The following MARCHF4 variants were observed in gnomAD, a reference collection of about 807,000 sequenced individuals.
MARCHF4 encodes the protein membrane associated ring-CH-type finger 4.
A neutral mutation model predicts 43.9 loss-of-function variants in MARCHF4; 14 were observed. The observed-to-expected ratio is 0.32, with a 90% CI of 0.21 to 0.50. The LOEUF is 0.50. MARCHF4 is among the 20% of genes least tolerant of loss of function. The pLI, the probability that MARCHF4 is intolerant of heterozygous loss-of-function variation, is 0.98. For missense variants in MARCHF4, 468 were observed against 536.7 expected (o/e 0.87, Z 1.27); for synonymous variants, 226 against 213.3 (o/e 1.06, Z -0.52).
chr2:216,347,571 T>C (rs556697906), intron 1 of MARCHF4, among the ~76,000 whole-genome samples: 1 of 151,918 alleles, frequency 6.6e-6, no homozygotes, highest in South Asian at 2.1e-4. Flanking sequence ...CTACTAAAAA[T>C]ACAAAAATTA....
chr2:216,347,179 T>G (rs1304971437), intron 1 of MARCHF4, among the ~76,000 whole-genome samples: 2 of 152,180 alleles, frequency 1.3e-5, no homozygotes, highest in African/African-American at 4.8e-5. Context: ...TATTTCTTGA[T>G]AGCAGTGTAA....
chr2:216,290,805 T>C (rs187533012), intron 1 of MARCHF4, among the ~76,000 whole-genome samples: 1 of 152,262 alleles, frequency 6.6e-6, no homozygotes, highest in African/African-American at 2.4e-5. Context: ...ATGATGCTAA[T>C]TTTTACCTGC....
chr2:216,331,253 T>C (rs982726883), intron 1 of MARCHF4, among the ~76,000 whole-genome samples: 20 of 151,870 alleles, frequency 1.3e-4, no homozygotes, highest in African/African-American at 1.9e-4. Flanking sequence ...TTTTAGAAAA[T>C]TTAGGTAAAT....
At chr2:216,354,983 C>CTTTCTTTCTTTCTTTCT (rs1559106750) in intron 1 of MARCHF4, among the ~76,000 whole-genome samples, 1 of 96,860 alleles carries the variant, frequency 1.0e-5, no homozygotes, top group East Asian at 2.6e-4. Context: ...TTCTTTCTTT[C>CTTTCTTTCTTTCTTTCT]TTTTTTGAGA....
chr2:216,333,143 G>A (rs1040794862), intron 1 of MARCHF4, among the ~76,000 whole-genome samples: 1 of 151,206 alleles, frequency 6.6e-6, no homozygotes, highest in African/African-American at 2.4e-5. Context: ...TTATATAAAG[G>A]GAAAAATTGA....
intron 1 of MARCHF4, among the ~76,000 whole-genome samples, chr2:216,368,812 TG>T (rs370859342): frequency 6.6e-5 from 10 of 152,346 alleles, no homozygotes; most frequent in African/African-American, 2.4e-4. Context: ...TGGAGAGTGT[TG>T]CCACATTCTA....
intron 1 of MARCHF4, among the ~76,000 whole-genome samples, chr2:216,306,424 T>A (rs960718454): frequency 8.5e-5 from 13 of 152,246 alleles, no homozygotes; most frequent in African/African-American, 3.1e-4. Context: ...ATGAAGACTT[T>A]ATTGTGTGTC....
intron 1 of MARCHF4, among the ~76,000 whole-genome samples, chr2:216,320,621 TTCTTTCTTTC>T (rs1691866823): frequency 1.2e-5 from 1 of 82,548 alleles, no homozygotes; most frequent in Non-Finnish European, 2.4e-5. Context: ...CTTTCTTTCT[TTCTTTCTTTC>T]TTTCTTTCTT....
chr2:216,334,461 T>C (rs917969450), intron 1 of MARCHF4, among the ~76,000 whole-genome samples: 1 of 152,078 alleles, frequency 6.6e-6, no homozygotes, highest in Non-Finnish European at 1.5e-5. Context: ...AGTGCAGTGA[T>C]ATAATCACAG....
intron 1 of MARCHF4, among the ~76,000 whole-genome samples, chr2:216,320,607 T>TTTTCTTTCTTTCTTTC (rs552086212): frequency 5.5e-4 from 62 of 112,178 alleles, no homozygotes; most frequent in East Asian, 2.2e-3. Flanking sequence ...TATAGCCTCT[T>TTTTCTTTCTTTCTTTC]TTTCTTTCTT....
chr2:216,339,118 A>G (rs1692200478), intron 1 of MARCHF4, among the ~76,000 whole-genome samples: 1 of 152,238 alleles, frequency 6.6e-6, no homozygotes, highest in Admixed American at 6.5e-5. Context: ...GCCTTGGACC[A>G]GTCTTTGACC....
In MARCHF4 at chr2:216,372,431, G is replaced by A. The variant is rs956612691; in HGVS notation, c.-2171C>T. Among the ~76,000 whole-genome samples, 1 of 152,168 alleles carries A rather than the reference G, an allele frequency of 6.6e-6. No homozygotes were observed. Among genetic ancestry groups the A allele is most frequent in the Non-Finnish European group, 1.5e-5 (1 of 68,024 alleles). On this transcript the variant is annotated 5_prime_UTR_variant, in exon 1 of 4. Transcript: ENST00000273067. ...GCGGAGGGATGGAGGAGGGAAAGGG[G>A]ATGAGAGGAAAAGAAGCTGGAGGGA...
intron 1 of MARCHF4, among the ~76,000 whole-genome samples, chr2:216,320,825 C>T (rs1201478857): frequency 1.4e-5 from 2 of 147,910 alleles, no homozygotes; most frequent in African/African-American, 2.5e-5. Flanking sequence ...CATGCACTAC[C>T]ATGCCTGGCT....
intron 1 of MARCHF4, among the ~76,000 whole-genome samples, chr2:216,306,920 T>C (rs10498047): frequency 0.19 from 29,202 of 151,988 alleles, 4,259 homozygotes; most frequent in African/African-American, 0.41. Flanking sequence ...TGGCTGTACA[T>C]GCATCTCATA....
chr2:216,304,147 C>T (rs1691542474), intron 1 of MARCHF4, among the ~76,000 whole-genome samples: 1 of 152,104 alleles, frequency 6.6e-6, no homozygotes, highest in Non-Finnish European at 1.5e-5. Flanking sequence ...TATTGCTCAC[C>T]CCAAATCATG....
chr2:216,292,993 T>C (rs573910208), intron 1 of MARCHF4, among the ~76,000 whole-genome samples: 16 of 152,294 alleles, frequency 1.1e-4, no homozygotes, highest in African/African-American at 2.9e-4. Context: ...CCCTAGAGAA[T>C]GATTAAGTGA....
At chr2:216,322,276 G>C (rs929864583) in intron 1 of MARCHF4, among the ~76,000 whole-genome samples, 1 of 152,156 alleles carries the variant, frequency 6.6e-6, no homozygotes, top group Non-Finnish European at 1.5e-5. Context: ...TAGGAGAGAA[G>C]AAAATTAAAA....
intron 1 of MARCHF4, among the ~76,000 whole-genome samples, chr2:216,288,580 A>G (rs1303883365): frequency 6.6e-6 from 1 of 151,950 alleles, no homozygotes; most frequent in Non-Finnish European, 1.5e-5. Flanking sequence ...TCCTTATGTC[A>G]CCTTGGGGAC....
intron 1 of MARCHF4, among the ~76,000 whole-genome samples, chr2:216,299,103 A>G (rs1691442348): frequency 6.6e-6 from 1 of 150,540 alleles, no homozygotes; most frequent in African/African-American, 2.5e-5. Context: ...AGACATAGAC[A>G]GTCTGGGATT....
Sources: allele counts gnomAD v4.1 joint callset (sites outside exome capture counted in the v4.1 genomes callset), GRCh38; gene constraint gnomAD v4.1.1; transcripts MANE v1.5; gene names NCBI Gene and HGNC (gene_info 2026-07-23, HGNC 2026-07-21).